The following CNTNAP5 variants were observed in gnomAD, a reference collection of about 807,000 sequenced individuals.
CNTNAP5 encodes the protein contactin-associated protein-like 5.
In CNTNAP5, 72 loss-of-function variants were observed where a neutral mutation model predicts 150.2. That is an observed-to-expected ratio of 0.48 (90% CI 0.40 to 0.58). The LOEUF is 0.58. Among genes scored for constraint, CNTNAP5 ranks in the 20% least tolerant of loss-of-function variants. The pLI, the probability that CNTNAP5 is intolerant of heterozygous loss-of-function variation, is 0.00. For missense variants in CNTNAP5, 1,636 were observed against 1,626.2 expected (o/e 1.01, Z -0.10); for synonymous variants, 672 against 619.8 (o/e 1.08, Z -1.25).
chr2:124,443,425 AT>A (rs1158285044), intron 5 of CNTNAP5, among the ~76,000 whole-genome samples: 9 of 152,056 alleles, frequency 5.9e-5, no homozygotes, highest in Admixed American at 5.9e-4. Context: ...TGCACATTCT[AT>A]TTTACCATCA....
chr2:124,396,983 A>G (rs988858679), intron 3 of CNTNAP5, among the ~76,000 whole-genome samples: 1 of 152,224 alleles, frequency 6.6e-6, no homozygotes, highest in Non-Finnish European at 1.5e-5. Flanking sequence ...CCAGGAGTTA[A>G]CACTAAGCAT....
rs1025635070 is a variant in CNTNAP5, at chr2:124,569,073, C to G, written c.1756+5750C>G. Among the ~76,000 whole-genome samples, 5 of 151,902 alleles carry G rather than the reference C, an allele frequency of 3.3e-5. No homozygotes were observed. In the East Asian group the frequency reaches 5.8e-4, roughly 18 times the overall value. On this transcript the variant is annotated intron_variant, in intron 11 of 23. Coordinates refer to ENST00000682447, the MANE Select transcript of CNTNAP5 (RefSeq NM_001367498.1). ...AAAAGAAAAAAATATATATATATAT[C>G]TTTTTTCTAATACCACAAGTTCTAT... is the stretch of plus-strand genomic sequence containing the variant.
At chr2:124,389,954 C>A (rs774623097) in intron 3 of CNTNAP5, among the ~76,000 whole-genome samples, 1 of 150,902 alleles carries the variant, frequency 6.6e-6, no homozygotes, top group Admixed American at 6.7e-5. Context: ...CAACAGGAGA[C>A]CACATCTCCA....
chr2:124,165,468 G>A (rs1684790735), intron 1 of CNTNAP5, among the ~76,000 whole-genome samples: 1 of 152,158 alleles, frequency 6.6e-6, no homozygotes, highest in Non-Finnish European at 1.5e-5. Flanking sequence ...AAATGGAAAC[G>A]TCTGATATGT....
At chr2:124,341,372 A>G (rs1689611060) in intron 3 of CNTNAP5, among the ~76,000 whole-genome samples, 1 of 152,116 alleles carries the variant, frequency 6.6e-6, no homozygotes, top group African/African-American at 2.4e-5. Flanking sequence ...TAGGCAAGCC[A>G]AAGTACCATA....
intron 1 of CNTNAP5, among the ~76,000 whole-genome samples, chr2:124,088,971 T>C (rs1176490147): frequency 3.3e-5 from 5 of 152,228 alleles, no homozygotes; most frequent in African/African-American, 1.2e-4. Flanking sequence ...GTTAGATTGC[T>C]ATTTCCCTGG....
At chr2:124,353,207 T>G (rs1200751877) in intron 3 of CNTNAP5, among the ~76,000 whole-genome samples, 3 of 150,048 alleles carry the variant, frequency 2.0e-5, no homozygotes, top group Non-Finnish European at 4.4e-5. Context: ...AACTCCTTGC[T>G]CTCAGGGACT....
chr2:124,662,930 T>C (rs1180880994), intron 13 of CNTNAP5, among the ~76,000 whole-genome samples: 1 of 152,200 alleles, frequency 6.6e-6, no homozygotes, highest in Non-Finnish European at 1.5e-5. Flanking sequence ...ACTTAAAATA[T>C]GGAAATAGAA....
intron 6 of CNTNAP5, among the ~76,000 whole-genome samples, chr2:124,463,018 A>G (rs1392361472): frequency 6.6e-6 from 1 of 152,102 alleles, no homozygotes; most frequent in East Asian, 1.9e-4. Flanking sequence ...CATGTTCTGG[A>G]AGGCGGTGGC....
At chr2:124,463,787 T>G (rs1317484690) in intron 6 of CNTNAP5, among the ~76,000 whole-genome samples, 1 of 152,186 alleles carries the variant, frequency 6.6e-6, no homozygotes, top group Non-Finnish European at 1.5e-5. Context: ...AGAAGGCTGC[T>G]CAGTGGAACC....
chr2:124,410,878 T>A (rs200197144), intron 3 of CNTNAP5, among the ~76,000 whole-genome samples: 23,408 of 149,782 alleles, frequency 0.16, 1,923 homozygotes, highest in Non-Finnish European at 0.19. Flanking sequence ...ATAACTAAAA[T>A]CAGAGCAGAA....
At chr2:124,579,114 A>G (rs923289944) in intron 11 of CNTNAP5, among the ~76,000 whole-genome samples, 3 of 152,178 alleles carry the variant, frequency 2.0e-5, no homozygotes, top group Non-Finnish European at 4.4e-5. Context: ...TCAGAAACAG[A>G]CATTGTTTTA....
chr2:124,745,325 A>T (rs1030589777), intron 13 of CNTNAP5, among the ~76,000 whole-genome samples: 1 of 152,154 alleles, frequency 6.6e-6, no homozygotes, highest in African/African-American at 2.4e-5. Flanking sequence ...AGAGTCTGAG[A>T]GTAGAGGCCT....
At chr2:124,172,621 T>C (rs2104666531) in intron 1 of CNTNAP5, among the ~76,000 whole-genome samples, 1 of 152,244 alleles carries the variant, frequency 6.6e-6, no homozygotes. Context: ...GCCATGTTGC[T>C]CAAGCTGATC....
At chr2:124,368,203 A>G (rs1360821078) in intron 3 of CNTNAP5, among the ~76,000 whole-genome samples, 1 of 152,204 alleles carries the variant, frequency 6.6e-6, no homozygotes, top group Non-Finnish European at 1.5e-5. Flanking sequence ...ATATAGTATA[A>G]GAAAAACACA....
At chr2:124,500,671 T>G (rs1694256501) in intron 7 of CNTNAP5, among the ~76,000 whole-genome samples, 1 of 152,092 alleles carries the variant, frequency 6.6e-6, no homozygotes, top group Non-Finnish European at 1.5e-5. Context: ...TAGAGTTAGA[T>G]CAAGGAAAGA....
At chr2:124,748,237 C>T (rs574467637) in intron 14 of CNTNAP5, among the ~76,000 whole-genome samples, 7 of 152,208 alleles carry the variant, frequency 4.6e-5, no homozygotes, top group African/African-American at 1.7e-4. Flanking sequence ...TGAGTAGTAT[C>T]TATTGCAGAG....
intron 19 of CNTNAP5, among the ~76,000 whole-genome samples, chr2:124,846,386 G>A (rs764785462): frequency 6.6e-6 from 1 of 152,072 alleles, no homozygotes; most frequent in Non-Finnish European, 1.5e-5. Context: ...ACTTTCCGGT[G>A]CATTTCTCTA....
At chr2:124,695,878 AT>A (rs1424675776) in intron 13 of CNTNAP5, among the ~76,000 whole-genome samples, 1 of 152,044 alleles carries the variant, frequency 6.6e-6, no homozygotes, top group Non-Finnish European at 1.5e-5. Flanking sequence ...CCTTGTGCAT[AT>A]TTTTGCTTGT....
Sources: allele counts gnomAD v4.1 joint callset (sites outside exome capture counted in the v4.1 genomes callset), GRCh38; gene constraint gnomAD v4.1.1; transcripts MANE v1.5; gene names NCBI Gene and HGNC (gene_info 2026-07-23, HGNC 2026-07-21).